Variants in ANKRD11 observed in about 807,000 individuals in gnomAD.
The protein encoded by ANKRD11 is ankyrin repeat domain-containing protein 11.
A neutral mutation model predicts 195.7 loss-of-function variants in ANKRD11; 17 were observed. That is an observed-to-expected ratio of 0.09 (90% CI 0.06 to 0.13). The LOEUF (loss-of-function observed/expected upper bound fraction) is 0.13, where lower values mean the gene tolerates loss of function less well. ANKRD11 is among the 10% of genes least tolerant of loss of function. The pLI is 1.00. For synonymous variants in ANKRD11, 1,953 were observed against 1,528.1 expected, an observed-to-expected ratio of 1.28 and a Z score of -6.49; for missense variants, 3,735 against 3,566.1, an observed-to-expected ratio of 1.05 and a Z score of -1.21.
chr16:89,365,935 CCATT>C (rs2039928806), intron 2 of ANKRD11, among the ~76,000 whole-genome samples: 2 of 152,024 alleles, frequency 1.3e-5, no homozygotes, highest in Non-Finnish European at 2.9e-5. Context: ...CATTTCGTTC[CCATT>C]CATAAGTGAC....
intron 2 of ANKRD11, among the ~76,000 whole-genome samples, chr16:89,385,856 C>T (rs947652559): frequency 1.3e-5 from 2 of 152,254 alleles, no homozygotes; most frequent in South Asian, 2.1e-4. Flanking sequence ...ACCAGCGGCT[C>T]GCCAAGAGCT....
At chr16:89,409,439 G>T (rs540346451) in intron 2 of ANKRD11, among the ~76,000 whole-genome samples, 57 of 152,308 alleles carry the variant, frequency 3.7e-4, no homozygotes, top group African/African-American at 1.3e-3. Flanking sequence ...CCTGTGGGTC[G>T]TCTTGTGCAC....
At position 89,313,491 on chromosome 16, in the gene ANKRD11, C is replaced by T. The variant is rs946609176; in HGVS notation, c.87+3442G>A. 1.2e-4 allele frequency: 152 copies of T among 1,289,084 alleles called. 1 individual carries two copies. In the Admixed American group the frequency reaches 1.2e-3, roughly 10 times the overall value. 79.9% of individuals were successfully genotyped at this position (1,289,084 alleles called of 1,614,324 possible). On this transcript the variant is annotated intron_variant, in intron 3 of 12. Transcript: ENST00000301030. ...TGCAGCCAAAGGGACACGCACAAGC[C>T]GTCAGGTCAGCGCGGCATCAGGATG...
chr16:89,316,196 G>A (rs2036946249), intron 3 of ANKRD11, among the ~76,000 whole-genome samples: 1 of 151,496 alleles, frequency 6.6e-6, no homozygotes, highest in African/African-American at 2.4e-5. Context: ...TACTGTGCCT[G>A]CTGCAGAGAC....
chr16:89,283,768 T>G lies in ANKRD11; in HGVS notation c.2774A>C (p.Glu925Ala). 6.2e-7 allele frequency: 1 copy of G among 1,613,554 alleles called. No homozygotes were observed. Among genetic ancestry groups the G allele is most frequent in the Non-Finnish European group, 8.5e-7 (1 of 1,179,708 alleles). ...KNSEKRKEQT[E>A]KHKSVPGYLS... ...GTAGCCAGGGACACTTTTATGCTTT[T>G]CGGTCTGCTCTTTCCTCTTCTCAGA... Residue 925 changes from glutamate (E) to alanine (A), a missense_variant, in exon 9 of 13, where the codon GAA (glutamate) becomes GCA (alanine). Coordinates refer to ENST00000301030, the MANE Select transcript of ANKRD11 (RefSeq NM_013275.6). This position sits in a 1 kb window ranked among gnomAD's most constrained non-coding sequence, Gnocchi z 4.3.
intron 4 of ANKRD11, chr16:89,300,202 T>G (rs1243392793): frequency 4.5e-6 from 1 of 222,092 alleles, no homozygotes; most frequent in Non-Finnish European, 9.1e-6. Context: ...CTGCCCTGTG[T>G]GGGGTGTGTG....
Position 89,284,748 on chromosome 16 carries a change from G to GTGC in ANKRD11, c.1791_1793dup (p.Glu597_His598insGln). 6.2e-7 allele frequency: 1 copy of GTGC among 1,613,558 alleles called. No homozygotes were observed. On this transcript the variant is annotated inframe_insertion, in exon 9 of 13. Transcript: ENST00000301030. ...TCTCCGACAGGGAGGCTCGCTTCCTGTGCTCCTGCCTCTTCCTCACTGGCT... is the reference window on the plus strand; with the variant it reads ...TCTCCGACAGGGAGGCTCGCTTCCTGTGCTGCTCCTGCCTCTTCCTCACTGGCT...
At chr16:89,288,280 G>A (rs940742410) in intron 7 of ANKRD11, 13 of 664,826 alleles carry the variant, frequency 2.0e-5, no homozygotes, top group Admixed American at 1.1e-4. Flanking sequence ...AGACCTACAC[G>A]GCTAGCGGAT....
At chr16:89,437,129 G>A (rs1250239674) in intron 1 of ANKRD11, among the ~76,000 whole-genome samples, 2 of 152,146 alleles carry the variant, frequency 1.3e-5, no homozygotes, top group African/African-American at 4.8e-5. Flanking sequence ...TTCACAACAG[G>A]GAAGGGAACG....
At chr16:89,389,939 G>T (rs111388250) in intron 2 of ANKRD11, among the ~76,000 whole-genome samples, 4 of 88,562 alleles carry the variant, frequency 4.5e-5, no homozygotes, top group African/African-American at 2.0e-4. Context: ...AGTGTGGCGG[G>T]GAGCACCGAG....
intron 2 of ANKRD11, among the ~76,000 whole-genome samples, chr16:89,322,271 G>A (rs912719511): frequency 2.6e-5 from 4 of 152,164 alleles, no homozygotes; most frequent in African/African-American, 4.8e-5. Context: ...ATTACCCTCC[G>A]AAGACTCCCA....
chr16:89,331,048 G>A (rs1445406121), intron 2 of ANKRD11, among the ~76,000 whole-genome samples: 2 of 152,162 alleles, frequency 1.3e-5, no homozygotes, highest in African/African-American at 4.8e-5. Context: ...CTGCCTCCCA[G>A]GTTCAAGCAA....
At chr16:89,451,617 G>A (rs1474947876) in intron 1 of ANKRD11, among the ~76,000 whole-genome samples, 1 of 151,848 alleles carries the variant, frequency 6.6e-6, no homozygotes, top group Non-Finnish European at 1.5e-5. Context: ...GAATTTCGCA[G>A]TGTTGGCCAG....
At chr16:89,313,559 G>A in intron 3 of ANKRD11, 15 of 1,289,138 alleles carry the variant, frequency 1.2e-5, no homozygotes, top group Non-Finnish European at 1.5e-5. Flanking sequence ...CCACGTATAT[G>A]TCACTGAGAT....
intron 2 of ANKRD11, among the ~76,000 whole-genome samples, chr16:89,362,375 A>T (rs2039768082): frequency 6.6e-6 from 1 of 152,182 alleles, no homozygotes; most frequent in South Asian, 2.1e-4. Flanking sequence ...GCAGAACCAA[A>T]ACCTGAGCTG....
chr16:89,312,406 G>A (rs920515698), intron 3 of ANKRD11, among the ~76,000 whole-genome samples: 17 of 152,124 alleles, frequency 1.1e-4, no homozygotes, highest in Admixed American at 2.6e-4. Context: ...GGGGCAGGGC[G>A]GAGGCAGCAT....
At chr16:89,358,748 G>C (rs2039599386) in intron 2 of ANKRD11, among the ~76,000 whole-genome samples, 1 of 152,140 alleles carries the variant, frequency 6.6e-6, no homozygotes. Context: ...CCCAGCCCTA[G>C]ATAACCCCAC....
At chr16:89,324,228 C>T in intron 2 of ANKRD11, 1 of 1,197,110 alleles carries the variant, frequency 8.4e-7, no homozygotes, top group Non-Finnish European at 1.1e-6. Flanking sequence ...CTCTGCTTTG[C>T]CCCTCAGACA....
Position 89,282,750 on chromosome 16 carries a change from A to G in ANKRD11, c.3792T>C (p.His1264=). ...TTCTCGAGGACTTCCTCTCCTTGGA[A>G]TGTTCTTTGTCCGACTTCTCTTTGT... ...SKHKEKSDKE[H]SKERKSSRSA... The change falls in exon 9 of 13, where the codon CAT becomes CAC. Residue 1264 remains histidine, a synonymous_variant. Coordinates refer to ENST00000301030, the MANE Select transcript of ANKRD11 (RefSeq NM_013275.6). 1 of 1,612,882 alleles carries G rather than the reference A, an allele frequency of 6.2e-7. No individual in the cohort carries two copies. Among genetic ancestry groups the G allele is most frequent in the African/African-American group, 1.3e-5 (1 of 74,724 alleles).
Sources: gnomAD v4.1 joint callset for allele counts (sites outside exome capture counted in the v4.1 genomes callset) on GRCh38, gnomAD v4.1.1 for gene constraint, Gnocchi (gnomAD v3.1) non-coding constraint, MANE v1.5 for transcripts, NCBI Gene and HGNC (gene_info 2026-07-23, HGNC 2026-07-21) for gene names.